Variants in NF1 observed in about 807,000 individuals in gnomAD.
NF1 encodes the protein neurofibromin 1.
In NF1, 122 loss-of-function variants were observed where a neutral mutation model predicts 325.7. That is an observed-to-expected ratio of 0.37 (90% CI 0.32 to 0.44). The LOEUF (loss-of-function observed/expected upper bound fraction) is 0.44. Among genes scored for constraint, NF1 ranks in the 20% least tolerant of loss-of-function variants. The pLI, the probability that NF1 is intolerant of heterozygous loss-of-function variation, is 1.00. For synonymous variants in NF1, 1,091 were observed against 1,186.0 expected (o/e 0.92, Z 1.65); for missense variants, 2,140 against 3,415.4 (o/e 0.63, Z 9.31).
intron 36 of NF1, among the ~76,000 whole-genome samples, chr17:31,276,540 A>C (rs953669725): frequency 1.3e-5 from 2 of 152,200 alleles, no homozygotes; most frequent in Admixed American, 1.3e-4. Context: ...AAAAAGTTTG[A>C]CACCAAAATT....
intron 57 of NF1, chr17:31,360,984 A>G (rs888317279): frequency 4.3e-6 from 2 of 464,760 alleles, no homozygotes; most frequent in African/African-American, 4.0e-5. Flanking sequence ...CTTAAAACAC[A>G]TTATTCTGTA....
chr17:31,327,970 C>T (rs2069390831), intron 38 of NF1, 131 bp downstream of exon 38: 1 of 843,804 alleles, frequency 1.2e-6, no homozygotes, highest in African/African-American at 1.7e-5. Flanking sequence ...TGGTTAACCA[C>T]TGTGACCTCA....
chr17:31,261,648 A>T, intron 34 of NF1, 63 bp from the exon 35 acceptor site: 1 of 1,589,198 alleles, frequency 6.3e-7, no homozygotes, highest in Non-Finnish European at 8.6e-7. Context: ...TTACAAGTTA[A>T]AGAAATGTGT....
intron 4 of NF1, among the ~76,000 whole-genome samples, chr17:31,163,824 C>A (rs1307991502): frequency 6.6e-6 from 1 of 151,978 alleles, no homozygotes; most frequent in Non-Finnish European, 1.5e-5. Context: ...TGAGAGTAGT[C>A]AGAATTCAAA....
At chr17:31,154,542 T>A (rs1218587065) in intron 1 of NF1, among the ~76,000 whole-genome samples, 2 of 152,076 alleles carry the variant, frequency 1.3e-5, no homozygotes, top group South Asian at 2.1e-4. Context: ...CCCAGCTGAT[T>A]AAAAATTTGG....
intron 50 of NF1, among the ~76,000 whole-genome samples, chr17:31,351,864 T>C (rs1010382120): frequency 6.6e-6 from 1 of 152,142 alleles, no homozygotes; most frequent in African/African-American, 2.4e-5. Flanking sequence ...TTTGGGGTTT[T>C]TTTTTTTTTT....
chr17:31,283,057 G>A (rs559966536), intron 36 of NF1, among the ~76,000 whole-genome samples: 18 of 152,166 alleles, frequency 1.2e-4, no homozygotes, highest in South Asian at 4.2e-4. Context: ...TTTAACTTCC[G>A]GGTCTTAGAT....
rs527640320 is a variant in NF1, at chr17:31,223,168, C to CT, written c.1722-275dup. Among the ~76,000 whole-genome samples the CT allele has an allele frequency of 1.8e-3, 267 of 152,094 alleles. 1 individual carries two copies. Among genetic ancestry groups the CT allele is most frequent in the Non-Finnish European group, 3.3e-3 (226 of 68,018 alleles). Reference sequence around the variant, plus strand: ...GGTTTATTGTTTCTTCTTATGTCTACTACAAGGATGAGATACATGGATAGA... The same window carrying CT: ...GGTTTATTGTTTCTTCTTATGTCTACTTACAAGGATGAGATACATGGATAGA... On this transcript the variant is annotated intron_variant, in intron 15 of 57. Transcript: ENST00000358273.
chr17:31,200,712 G>A lies in NF1; in HGVS notation c.1062+117G>A, dbSNP rs1266494442. The A allele has an allele frequency of 4.6e-5, 55 of 1,187,036 alleles. No individual in the cohort carries two copies. The South Asian group carries it at 6.1e-4, about 13-fold the overall frequency. The allele number at this position is 1,187,036 out of a possible 1,614,324, so 73.5% of individuals were successfully genotyped here. A position where few individuals can be genotyped will look rare whatever the true frequency, so the allele number is the denominator to read the frequency against. On this transcript the variant is annotated intron_variant, in intron 9 of 57. Transcript: ENST00000358273. ...TAAAGTTCTGACTCTTCGTTGATAAGTTCATAGGACTTGCTTTTGTTGTTA... is the reference window on the plus strand; with the variant it reads ...TAAAGTTCTGACTCTTCGTTGATAAATTCATAGGACTTGCTTTTGTTGTTA...
chr17:31,294,671 C>T (rs2068422695), intron 36 of NF1: 7 of 327,910 alleles, frequency 2.1e-5, no homozygotes, highest in South Asian at 1.8e-4. Context: ...CTTTTATTTT[C>T]CAGATGTTTG....
intron 36 of NF1, among the ~76,000 whole-genome samples, chr17:31,325,209 T>C (rs180920848): frequency 6.6e-6 from 1 of 152,190 alleles, no homozygotes; most frequent in Non-Finnish European, 1.5e-5. Context: ...GGGTTCCAGT[T>C]TGTCTATTTC....
rs375675505 is a variant in NF1, at chr17:31,221,835, T to G, written c.1642-15T>G. 3 of 1,585,332 alleles carry G rather than the reference T, an allele frequency of 1.9e-6. No individual in the cohort carries two copies. Among genetic ancestry groups the G allele is most frequent in the Non-Finnish European group, 2.6e-6 (3 of 1,162,832 alleles). On this transcript the variant is annotated splice_polypyrimidine_tract_variant and intron_variant, in intron 14 of 57. Transcript: ENST00000358273. ...TGAGTCTTCTCTTTGTCTTTCTCTT[T>G]TTTAAAAAATTCAGGCTCTGCTGGT...
chr17:31,139,302 CCT>C (rs1017839751), intron 1 of NF1, among the ~76,000 whole-genome samples: 7 of 151,874 alleles, frequency 4.6e-5, no homozygotes, highest in African/African-American at 1.5e-4. Flanking sequence ...CCTGCCTCGG[CCT>C]CTCAAAGTGC....
intron 36 of NF1, among the ~76,000 whole-genome samples, chr17:31,298,966 A>T (rs2068520686): frequency 6.6e-6 from 1 of 152,078 alleles, no homozygotes; most frequent in African/African-American, 2.4e-5. Context: ...AAGAAAAGAC[A>T]TGTTACTTCA....
At chr17:31,149,816 A>G (rs887621604) in intron 1 of NF1, among the ~76,000 whole-genome samples, 19 of 152,136 alleles carry the variant, frequency 1.2e-4, no homozygotes, top group African/African-American at 4.6e-4. Flanking sequence ...TGAGGAGGGC[A>G]CTGTGGGAAG....
intron 8 of NF1, among the ~76,000 whole-genome samples, chr17:31,198,594 A>G (rs1199861936): frequency 6.6e-6 from 1 of 150,468 alleles, no homozygotes; most frequent in Admixed American, 6.6e-5. Flanking sequence ...CAAAATCAGT[A>G]GTGTCACCAC....
chr17:31,161,788 C>A (rs570025231), intron 3 of NF1, among the ~76,000 whole-genome samples: 1 of 152,242 alleles, frequency 6.6e-6, no homozygotes, highest in African/African-American at 2.4e-5. Context: ...GGAATCCCAG[C>A]ACTTTGGGAG....
chr17:31,170,683 A>G (rs1046416186), intron 5 of NF1, among the ~76,000 whole-genome samples: 1 of 152,198 alleles, frequency 6.6e-6, no homozygotes, highest in Non-Finnish European at 1.5e-5. Flanking sequence ...GTAAGCAGTG[A>G]TGTGTTAATG....
chr17:31,288,882 C>A (rs150965939), intron 36 of NF1, among the ~76,000 whole-genome samples: 1 of 152,040 alleles, frequency 6.6e-6, no homozygotes, highest in Non-Finnish European at 1.5e-5. Flanking sequence ...CTCCCTCATT[C>A]TTAACTTTTC....
Sources: gnomAD v4.1 joint callset for allele counts (sites outside exome capture counted in the v4.1 genomes callset) on GRCh38, gnomAD v4.1.1 for gene constraint, MANE v1.5 for transcripts, NCBI Gene and HGNC (gene_info 2026-07-23, HGNC 2026-07-21) for gene names.